The following PTK2B variants were observed in gnomAD, a reference collection of about 807,000 sequenced individuals.
PTK2B encodes protein tyrosine kinase 2 beta, also known as protein-tyrosine kinase 2-beta.
In PTK2B, 71 loss-of-function variants were observed where a neutral mutation model predicts 142.9. The ratio of observed to expected loss-of-function variants is 0.50; its 90% CI spans 0.41 to 0.61. The LOEUF (loss-of-function observed/expected upper bound fraction) is 0.61, where lower values mean the gene tolerates loss of function less well. Ranked by LOEUF, PTK2B falls within the 20% of genes least tolerant of loss-of-function variation. PTK2B has a pLI of 0.00. For synonymous variants in PTK2B, 519 were observed against 503.4 expected (o/e 1.03, Z -0.42); for missense variants, 1,105 against 1,320.4 (o/e 0.84, Z 2.53).
chr8:27,429,333 C>T (rs1341758338), intron 5 of PTK2B, among the ~76,000 whole-genome samples: 4 of 152,078 alleles, frequency 2.6e-5, no homozygotes, highest in South Asian at 2.1e-4. Flanking sequence ...TAAGGATGCC[C>T]GAATTAAAGG....
rs149307388 is a variant in PTK2B at position 27,356,827 on chromosome 8, A to G, written c.-38+31146A>G. On this transcript the variant is annotated intron_variant, in intron 1 of 30. Coordinates refer to ENST00000346049, the MANE Select transcript of PTK2B (RefSeq NM_173176.3). ...TTCATCTCAAAAAGTCACATACTGT[A>G]TGATTCCATTGACATCACATCCTTT... Among the ~76,000 whole-genome samples, 107 of 152,384 alleles carry G rather than the reference A, an allele frequency of 7.0e-4. No individual in the cohort carries two copies. In the East Asian group the frequency reaches 0.011, roughly 15 times the overall value.
intron 1 of PTK2B, among the ~76,000 whole-genome samples, chr8:27,373,099 C>G (rs563885034): frequency 6.6e-6 from 1 of 152,282 alleles, no homozygotes; most frequent in East Asian, 1.9e-4. Flanking sequence ...ACCAGCCATG[C>G]CTGATGGGCT....
intron 1 of PTK2B, among the ~76,000 whole-genome samples, chr8:27,389,611 G>A (rs1807585645): frequency 6.6e-6 from 1 of 152,238 alleles, no homozygotes; most frequent in Non-Finnish European, 1.5e-5. Context: ...GGGACTCCCA[G>A]TGGGTAATGG....
intron 24 of PTK2B, among the ~76,000 whole-genome samples, chr8:27,447,135 G>A (rs559929234): frequency 5.3e-5 from 8 of 152,254 alleles, no homozygotes; most frequent in Non-Finnish European, 8.8e-5. Flanking sequence ...CATTGCCTTC[G>A]TCCAATTTCC....
intron 24 of PTK2B, among the ~76,000 whole-genome samples, chr8:27,447,237 A>C (rs191952237): frequency 6.2e-4 from 95 of 152,360 alleles, no homozygotes; most frequent in African/African-American, 2.1e-3. Flanking sequence ...AGTAATTGAC[A>C]TAAGGAAAAT....
At chr8:27,439,228 A>G in intron 19 of PTK2B, 81 bp from the exon 20 acceptor site, 1 of 1,563,438 alleles carries the variant, frequency 6.4e-7, no homozygotes, top group Non-Finnish European at 8.8e-7. Context: ...GCCCAGGCTA[A>G]GGGTCTTCAG....
rs530708358 is a variant in PTK2B at position 27,363,324 on chromosome 8, C to T, written c.-37-34224C>T. On this transcript the variant is annotated intron_variant, in intron 1 of 30. Coordinates refer to ENST00000346049, the MANE Select transcript of PTK2B (RefSeq NM_173176.3). This position sits in a 1 kb window ranked among gnomAD's most constrained non-coding sequence, Gnocchi z 4.3. Reference sequence around the variant, plus strand: ...GGGAGAGCAGAGGAGCTGTTTTCCACTAGTGAAAGGTCAGGAGGTGGAAGT... The same window carrying T: ...GGGAGAGCAGAGGAGCTGTTTTCCATTAGTGAAAGGTCAGGAGGTGGAAGT... 1.8e-4 allele frequency among the ~76,000 whole-genome samples: 27 copies of T among 152,228 alleles called. No individual in the cohort carries two copies. Among genetic ancestry groups the T allele is most frequent in the South Asian group, 4.2e-4 (2 of 4,818 alleles).
chr8:27,432,738 C>A (rs567611431), intron 10 of PTK2B, among the ~76,000 whole-genome samples: 2 of 146,944 alleles, frequency 1.4e-5, no homozygotes, highest in Admixed American at 1.4e-4. Flanking sequence ...TTGTTTTTTA[C>A]AGTAAAACAC....
rs913471155 is a variant in PTK2B at position 27,333,874 on chromosome 8, A to G, written c.-38+8193A>G. 2.7e-5 allele frequency among the ~76,000 whole-genome samples: 4 copies of G among 149,618 alleles called. No homozygotes were observed. In the East Asian group the frequency reaches 5.9e-4, roughly 22 times the overall value. ...ACCCTCCCTCCCTCCCTTAGCCCTC[A>G]CTTCTAAGAGTCTGTAAGATATTCC... On this transcript the variant is annotated intron_variant, in intron 1 of 30. Coordinates refer to ENST00000346049, the MANE Select transcript of PTK2B (RefSeq NM_173176.3).
In PTK2B at chr8:27,377,535, G is replaced by A. The variant is rs539478815; in HGVS notation, c.-37-20013G>A. Among the ~76,000 whole-genome samples, 3 of 152,266 alleles carry A rather than the reference G, an allele frequency of 2.0e-5. No homozygotes were observed. In the East Asian group the frequency reaches 5.8e-4, roughly 29 times the overall value. On this transcript the variant is annotated intron_variant, in intron 1 of 30. Coordinates refer to ENST00000346049, the MANE Select transcript of PTK2B (RefSeq NM_173176.3). Reference sequence around the variant, plus strand: ...TGGCATCCTTCTTTGGCTGCCATGGGGAGGTCTTAGTTCTAGTCCTGATTC... The same window carrying A: ...TGGCATCCTTCTTTGGCTGCCATGGAGAGGTCTTAGTTCTAGTCCTGATTC...
Position 27,422,448 on chromosome 8 carries a change from C to G in PTK2B, c.551+65C>G, listed in dbSNP as rs897214418. 3 of 1,373,242 alleles carry G rather than the reference C, an allele frequency of 2.2e-6. No homozygotes were observed. In the East Asian group the frequency reaches 7.7e-5, roughly 35 times the overall value. The allele number at this position is 1,373,242 out of a possible 1,614,324, so 85.1% of individuals were successfully genotyped here. A position where few individuals can be genotyped will look rare whatever the true frequency, so the allele number is the denominator to read the frequency against. On this transcript the variant is annotated intron_variant, in intron 5 of 30. Transcript: ENST00000346049. ...TGAGCTCTGGGCAGGCCCGACCTTT[C>G]CCCATGTCCAAGATGGGAAGCAGGA... is the stretch of plus-strand genomic sequence containing the variant.
In PTK2B at chr8:27,350,987, AAAAATATATATATATATATATATATATAT is replaced by A. The variant is rs1311929332; in HGVS notation, c.-38+25308_-38+25336del. Among the ~76,000 whole-genome samples, 4 of 17,166 alleles carry A rather than the reference AAAAATATATATATATATATATATATATAT, an allele frequency of 2.3e-4. 2 individuals carry two copies. Among genetic ancestry groups the A allele is most frequent in the Non-Finnish European group, 4.8e-4 (4 of 8,250 alleles). 11.3% of individuals were successfully genotyped at this position (17,166 alleles called of 152,430 possible). On this transcript the variant is annotated intron_variant, in intron 1 of 30. Transcript: ENST00000346049. ...AAAGTCTCCGTCTCAAAAAAAAAAA[AAAAATATATATATATATATATATATATAT>A]ATATATATATATATATATATATATA...
At position 27,348,350 on chromosome 8, in the gene PTK2B, C is replaced by T. The variant is rs112075730; in HGVS notation, c.-38+22669C>T. ...CCTGTTTCCTCTGCATGACAGGACT[C>T]TCCTAAATTTCACTTGCCAAGACCC... On this transcript the variant is annotated intron_variant, in intron 1 of 30. Coordinates refer to ENST00000346049, the MANE Select transcript of PTK2B (RefSeq NM_173176.3). 6.1e-3 allele frequency among the ~76,000 whole-genome samples: 925 copies of T among 152,274 alleles called. 4 individuals are homozygous for T. The highest frequency in any genetic ancestry group is 0.02 in the African/African-American group (835 of 41,546).
At chr8:27,408,170 C>T (rs1808840383) in intron 2 of PTK2B, among the ~76,000 whole-genome samples, 1 of 149,292 alleles carries the variant, frequency 6.7e-6, no homozygotes, top group Non-Finnish European at 1.5e-5. Flanking sequence ...CTAGGATTGT[C>T]TTCCCCAAGG....
At chr8:27,359,731 T>C (rs989203798) in intron 1 of PTK2B, among the ~76,000 whole-genome samples, 6 of 152,160 alleles carry the variant, frequency 3.9e-5, no homozygotes, top group African/African-American at 1.4e-4. Context: ...CCTTCTCTCT[T>C]TCTTTCTCTC....
At chr8:27,342,288 C>T (rs1586117127) in intron 1 of PTK2B, among the ~76,000 whole-genome samples, 1 of 151,234 alleles carries the variant, frequency 6.6e-6, no homozygotes, top group East Asian at 1.9e-4. Flanking sequence ...TTACTTTGTT[C>T]CTTTTTTTTT....
chr8:27,450,888 A>G lies in PTK2B; in HGVS notation c.2480A>G (p.Lys827Arg), dbSNP rs754570105. 1.2e-6 allele frequency: 2 copies of G among 1,614,232 alleles called. No individual in the cohort carries two copies. Among genetic ancestry groups the G allele is most frequent in the Admixed American group, 1.7e-5 (1 of 60,036 alleles). ...EDYQWLRQEE[K>R]SLDPMVYMND... ...TACCAGTGGCTCAGGCAGGAGGAGA[A>G]GTCCCTGGTGAGCACCCCAGGAAGG... The change falls in exon 25 of 31, where the codon AAG becomes AGG. Residue 827 changes from lysine (K) to arginine (R), a missense_variant. Coordinates refer to ENST00000346049, the MANE Select transcript of PTK2B (RefSeq NM_173176.3).
intron 4 of PTK2B, 169 bp from the exon 5 acceptor site, chr8:27,422,135 A>G: frequency 3.7e-6 from 2 of 545,402 alleles, no homozygotes; most frequent in Non-Finnish European, 6.2e-6. Context: ...GTGGAGGCAC[A>G]AGCACCCTTT....
In PTK2B at chr8:27,415,933, A is replaced by G. The variant is rs189267198; in HGVS notation, c.205-3962A>G. Among the ~76,000 whole-genome samples, 108 of 152,344 alleles carry G rather than the reference A, an allele frequency of 7.1e-4. 1 individual carries two copies. The highest frequency in any genetic ancestry group is 1.8e-3 in the Admixed American group (28 of 15,300). ...CCATGTTCATGTATTACAGGCATCA[A>G]TGCTGTTAAGATGCCAATTCTGGCC... On this transcript the variant is annotated intron_variant, in intron 2 of 30. Transcript: ENST00000346049.
Sources: gnomAD v4.1 joint callset for allele counts (sites outside exome capture counted in the v4.1 genomes callset) on GRCh38, gnomAD v4.1.1 for gene constraint, Gnocchi (gnomAD v3.1) non-coding constraint, MANE v1.5 for transcripts, NCBI Gene and HGNC (gene_info 2026-07-23, HGNC 2026-07-21) for gene names.